The following CDKAL1 variants were observed in gnomAD, a reference collection of about 807,000 sequenced individuals.
CDKAL1 encodes CDKAL1 threonylcarbamoyladenosine tRNA methylthiotransferase, also known as threonylcarbamoyladenosine tRNA methylthiotransferase.
In CDKAL1, 32 loss-of-function variants were observed where a neutral mutation model predicts 68.2. That is an observed-to-expected ratio of 0.47 (90% confidence interval 0.35 to 0.63). The LOEUF is 0.63. Ranked by LOEUF, CDKAL1 falls within the 30% of genes least tolerant of loss-of-function variation. The pLI is 0.00. For missense variants in CDKAL1, 606 were observed against 696.7 expected (o/e 0.87, Z 1.47); for synonymous variants, 234 against 244.3 (o/e 0.96, Z 0.39).
chr6:20,742,793 T>C (rs1773513061), intron 6 of CDKAL1, among the ~76,000 whole-genome samples: 1 of 152,078 alleles, frequency 6.6e-6, no homozygotes, highest in African/African-American at 2.4e-5. Flanking sequence ...GCATTACATA[T>C]TATTAAAGTA....
intron 13 of CDKAL1, among the ~76,000 whole-genome samples, chr6:21,160,580 G>A (rs1776870460): frequency 6.9e-6 from 1 of 145,786 alleles, no homozygotes; most frequent in African/African-American, 2.5e-5. Flanking sequence ...ACAGGCGTGA[G>A]CCACCGCACC....
chr6:20,878,392 G>GGT (rs1443934193), intron 9 of CDKAL1, among the ~76,000 whole-genome samples: 1 of 152,094 alleles, frequency 6.6e-6, no homozygotes, highest in East Asian at 1.9e-4. Context: ...TCCTACATGC[G>GGT]GTATTATTGT....
At position 21,231,280 on chromosome 6, in the gene CDKAL1, G is replaced by A. The variant is rs902336479; in HGVS notation, c.*241G>A. ...ACATCCTTCAAATTAAACTGCTTTT[G>A]GTTTACTTTTAGCAAGAAATGCAAG... On this transcript the variant is annotated 3_prime_UTR_variant, in exon 16 of 16. Transcript: ENST00000274695. 1 of 351,344 alleles carries A rather than the reference G, an allele frequency of 2.8e-6. No individual in the cohort carries two copies. Among genetic ancestry groups the A allele is most frequent in the East Asian group, 4.2e-5 (1 of 23,748 alleles). The allele number at this position is 351,344 out of a possible 1,614,324, so 21.8% of individuals were successfully genotyped here.
intron 5 of CDKAL1, among the ~76,000 whole-genome samples, chr6:20,662,681 T>C (rs1387672889): frequency 2.0e-5 from 3 of 152,150 alleles, no homozygotes; most frequent in African/African-American, 7.2e-5. Flanking sequence ...ATACAGTGAT[T>C]GACAGTGATA....
intron 9 of CDKAL1, among the ~76,000 whole-genome samples, chr6:20,950,824 G>T (rs1226677862): frequency 6.6e-6 from 1 of 152,088 alleles, no homozygotes; most frequent in African/African-American, 2.4e-5. Flanking sequence ...ACTTAGCTGG[G>T]TATGGCATGG....
chr6:20,874,513 GTTTA>G (rs1246556600), intron 9 of CDKAL1, among the ~76,000 whole-genome samples: 2 of 151,562 alleles, frequency 1.3e-5, no homozygotes, highest in African/African-American at 2.4e-5. Context: ...TTGTTTGTTT[GTTTA>G]TTTTTAAACT....
intron 9 of CDKAL1, among the ~76,000 whole-genome samples, chr6:20,865,963 C>T (rs985877133): frequency 5.9e-5 from 9 of 152,146 alleles, no homozygotes; most frequent in African/African-American, 1.4e-4. Flanking sequence ...AGCTGGAAAC[C>T]GAGTACTTCA....
At chr6:20,673,284 A>G (rs1490707297) in intron 5 of CDKAL1, among the ~76,000 whole-genome samples, 2 of 152,180 alleles carry the variant, frequency 1.3e-5, no homozygotes, top group Admixed American at 1.3e-4. Flanking sequence ...TTCCCCAAAG[A>G]TACCAAGATC....
chr6:21,229,908 C>T (rs576089942), intron 15 of CDKAL1, among the ~76,000 whole-genome samples: 2 of 152,324 alleles, frequency 1.3e-5, no homozygotes, highest in African/African-American at 4.8e-5. Context: ...GAACAGAAAC[C>T]ACTGAGAAAA....
chr6:20,741,053 CA>C lies in CDKAL1; in HGVS notation c.468+1442del, dbSNP rs138634785. Among the ~76,000 whole-genome samples the C allele has an allele frequency of 9.8e-3, 1,499 of 152,184 alleles. 35 individuals are homozygous for C. Among genetic ancestry groups the C allele is most frequent in the African/African-American group, 0.033 (1,380 of 41,534 alleles). On this transcript the variant is annotated intron_variant, in intron 6 of 15. Transcript: ENST00000274695. ...GAATAGCAGAATTTCTCTAGTATGGCAAAAGGCTCTTCTCTGCATACATTTT... is the reference window on the plus strand; with the variant it reads ...GAATAGCAGAATTTCTCTAGTATGGCAAAGGCTCTTCTCTGCATACATTTT...
At chr6:20,892,861 G>C (rs553508864) in intron 9 of CDKAL1, among the ~76,000 whole-genome samples, 4 of 152,270 alleles carry the variant, frequency 2.6e-5, no homozygotes, top group African/African-American at 7.2e-5. Flanking sequence ...GATCAGATTG[G>C]TTAAATTGAA....
intron 8 of CDKAL1, among the ~76,000 whole-genome samples, chr6:20,822,860 C>A (rs968203186): frequency 6.6e-6 from 1 of 152,142 alleles, no homozygotes; most frequent in African/African-American, 2.4e-5. Context: ...GTCAAGTAAA[C>A]CTCTTTACTT....
At chr6:20,689,885 A>G (rs1408352156) in intron 5 of CDKAL1, among the ~76,000 whole-genome samples, 1 of 152,236 alleles carries the variant, frequency 6.6e-6, no homozygotes, top group Non-Finnish European at 1.5e-5. Context: ...TTTTTATTGT[A>G]TAAGGCTTAT....
At chr6:20,947,797 A>G (rs1358253679) in intron 9 of CDKAL1, among the ~76,000 whole-genome samples, 3 of 152,142 alleles carry the variant, frequency 2.0e-5, no homozygotes. Flanking sequence ...TGAATACTGT[A>G]TTGAAAATGA....
In CDKAL1 at chr6:20,671,074, T is replaced by C. The variant is rs559890781; in HGVS notation, c.371+21697T>C. Among the ~76,000 whole-genome samples, 37 of 152,284 alleles carry C rather than the reference T, an allele frequency of 2.4e-4. 1 individual carries two copies. In the South Asian group the frequency reaches 7.2e-3, roughly 30 times the overall value. ...GCAGACTGCTGGATTGAAAGGTAGGTACGATTATAGATACTGCCTAGTTAC... is the reference window on the plus strand; with the variant it reads ...GCAGACTGCTGGATTGAAAGGTAGGCACGATTATAGATACTGCCTAGTTAC... On this transcript the variant is annotated intron_variant, in intron 5 of 15. Transcript: ENST00000274695.
At chr6:21,052,726 C>G (rs965015435) in intron 11 of CDKAL1, among the ~76,000 whole-genome samples, 2 of 151,866 alleles carry the variant, frequency 1.3e-5, no homozygotes, top group African/African-American at 4.8e-5. Context: ...ACTGTTAAGA[C>G]TTCTTGGCCG....
chr6:20,677,696 G>T (rs1218706502), intron 5 of CDKAL1, among the ~76,000 whole-genome samples: 4 of 152,176 alleles, frequency 2.6e-5, no homozygotes, highest in Non-Finnish European at 4.4e-5. Flanking sequence ...GATTACAGGT[G>T]TGAGCCCCCA....
intron 4 of CDKAL1, among the ~76,000 whole-genome samples, chr6:20,593,567 C>G (rs1765686092): frequency 6.8e-6 from 1 of 146,292 alleles, no homozygotes; most frequent in Non-Finnish European, 1.5e-5. Context: ...CTCTTTTCTT[C>G]TTTATTAGTT....
intron 11 of CDKAL1, among the ~76,000 whole-genome samples, chr6:21,064,026 T>C (rs537544520): frequency 6.6e-6 from 1 of 152,310 alleles, no homozygotes; most frequent in East Asian, 1.9e-4. Flanking sequence ...TGTGGGCACA[T>C]TTAAAGAAGT....
Sources: allele counts gnomAD v4.1 joint callset (sites outside exome capture counted in the v4.1 genomes callset), GRCh38; gene constraint gnomAD v4.1.1; transcripts MANE v1.5; gene names NCBI Gene and HGNC (gene_info 2026-07-23, HGNC 2026-07-21).